SEC22C: variants seen among roughly 807,000 people sequenced by gnomAD.
SEC22C encodes the protein SEC22 homolog C, vesicle trafficking protein.
In SEC22C, 29 loss-of-function variants were observed where a neutral mutation model predicts 34.7. The ratio of observed to expected loss-of-function variants is 0.84; its 90% CI spans 0.62 to 1.14. SEC22C has a LOEUF of 1.14. SEC22C is among the 50% of genes most tolerant of loss of function. SEC22C has a pLI of 0.00. For missense variants in SEC22C, 337 were observed against 369.0 expected (o/e 0.91, Z 0.71); for synonymous variants, 117 against 132.8 (o/e 0.88, Z 0.82).
chr3:42,572,283 C>A (rs1351588486), intron 1 of SEC22C, among the ~76,000 whole-genome samples: 1 of 150,822 alleles, frequency 6.6e-6, no homozygotes, highest in Non-Finnish European at 1.5e-5. Context: ...AAAGGTAATG[C>A]ATAGCAAAAC....
chr3:42,563,257 A>T (rs1355705781), intron 3 of SEC22C, among the ~76,000 whole-genome samples: 3 of 152,232 alleles, frequency 2.0e-5, no homozygotes, highest in Admixed American at 2.0e-4. Flanking sequence ...CCAGCTTCAG[A>T]GAGCTGTGGG....
At chr3:42,572,759 T>C (rs990331890) in intron 1 of SEC22C, among the ~76,000 whole-genome samples, 1 of 152,186 alleles carries the variant, frequency 6.6e-6, no homozygotes, top group Non-Finnish European at 1.5e-5. Flanking sequence ...TCACTGGCTA[T>C]ACTAAGAACC....
chr3:42,565,087 A>G lies in SEC22C; in HGVS notation c.183-1401T>C, dbSNP rs114084988. ...GGGTCTTGTTCTGACACTCCATCCTATGTAAGCCCAAACCAAGCTCCAATT... is the reference window on the plus strand; with the variant it reads ...GGGTCTTGTTCTGACACTCCATCCTGTGTAAGCCCAAACCAAGCTCCAATT... On this transcript the variant is annotated intron_variant, in intron 2 of 6. Transcript: ENST00000264454. Among the ~76,000 whole-genome samples the G allele has an allele frequency of 3.0e-3, 456 of 152,210 alleles. 3 individuals are homozygous for G. Among genetic ancestry groups the G allele is most frequent in the African/African-American group, 0.011 (440 of 41,532 alleles).
chr3:42,591,500 A>T (rs1449999134), intron 1 of SEC22C: 2 of 1,591,178 alleles, frequency 1.3e-6, no homozygotes. Context: ...GCCTGCACTG[A>T]CCCTTTCTTT....
At chr3:42,569,851 GGCCT>G (rs1703502441) in intron 1 of SEC22C, among the ~76,000 whole-genome samples, 2 of 152,196 alleles carry the variant, frequency 1.3e-5, no homozygotes, top group Admixed American at 1.3e-4. Flanking sequence ...GGTGGAAACA[GGCCT>G]GCACCATTTC....
chr3:42,559,348 C>T (rs1027308912), intron 4 of SEC22C, among the ~76,000 whole-genome samples: 2 of 152,176 alleles, frequency 1.3e-5, no homozygotes, highest in Admixed American at 6.5e-5. Context: ...CCTAGAAAGA[C>T]GGGCAAGGTG....
chr3:42,553,541 G>A, intron 6 of SEC22C, 93 bp from the exon 7 acceptor site: 3 of 1,498,028 alleles, frequency 2.0e-6, no homozygotes, highest in Non-Finnish European at 8.9e-7. Flanking sequence ...CATGAAGAGT[G>A]TCATTTCTCT....
chr3:42,556,924 T>C lies in SEC22C; in HGVS notation c.645+654A>G, dbSNP rs538908142. On this transcript the variant is annotated intron_variant, in intron 5 of 6. Transcript: ENST00000264454. ...TTTTAGTAGAGATGGGTTTTCACCA[T>C]GTTGATCAGGCTGGTCTCAAACTCC... Among the ~76,000 whole-genome samples the C allele has an allele frequency of 3.3e-5, 5 of 152,278 alleles. No homozygotes were observed. The South Asian group carries it at 1.0e-3, about 32-fold the overall frequency.
intron 2 of SEC22C, chr3:42,566,976 T>G (rs922950853): frequency 8.1e-5 from 15 of 184,660 alleles, no homozygotes; most frequent in African/African-American, 3.1e-4. Context: ...GGCTGAGGTG[T>G]GAACATGGCT....
chr3:42,581,431 G>A (rs1349360149), intron 1 of SEC22C: 1 of 152,252 alleles, frequency 6.6e-6, no homozygotes, highest in Non-Finnish European at 1.5e-5. Flanking sequence ...TTGGTTCAGT[G>A]TATCCAATAT....
upstream of SEC22C, among the ~76,000 whole-genome samples, chr3:42,583,910 T>G (rs1247577244): frequency 6.6e-6 from 1 of 152,244 alleles, no homozygotes; most frequent in Non-Finnish European, 1.5e-5. Context: ...CTTGTACCAG[T>G]GGTTCCCCAG....
In SEC22C at chr3:42,549,179, T is replaced by C; in HGVS notation, c.*4069A>G. The C allele has an allele frequency of 1.0e-6, 1 of 987,568 alleles. No homozygotes were observed. The highest frequency in any genetic ancestry group is 1.2e-6 in the Non-Finnish European group (1 of 831,156). 61.2% of individuals were successfully genotyped at this position (987,568 alleles called of 1,614,324 possible). On this transcript the variant is annotated 3_prime_UTR_variant, in exon 7 of 7. Transcript: ENST00000264454. ...CACAGGTAGAGCGTCCCCAGACCTG[T>C]GCAATATTCTACACGAAAACATTTG...
chr3:42,571,988 G>A (rs1276613827), intron 1 of SEC22C, among the ~76,000 whole-genome samples: 1 of 152,086 alleles, frequency 6.6e-6, no homozygotes, highest in Non-Finnish European at 1.5e-5. Context: ...AGCTGAGATT[G>A]TGTCACTGCA....
At chr3:42,590,453 A>AC (rs1394648396) in intron 1 of SEC22C, among the ~76,000 whole-genome samples, 1 of 151,854 alleles carries the variant, frequency 6.6e-6, no homozygotes, top group African/African-American at 2.4e-5. Context: ...ATATGGTGAA[A>AC]CCCCGTCTCT....
intron 1 of SEC22C, among the ~76,000 whole-genome samples, chr3:42,572,266 A>C (rs1703687201): frequency 6.6e-6 from 1 of 152,050 alleles, no homozygotes; most frequent in Admixed American, 6.5e-5. Context: ...CAGTCAAAAA[A>C]ACTAGAAAAG....
chr3:42,553,767 T>C (rs1430558763), intron 6 of SEC22C, among the ~76,000 whole-genome samples: 1 of 152,196 alleles, frequency 6.6e-6, no homozygotes, highest in Non-Finnish European at 1.5e-5. Flanking sequence ...GCACATAAGC[T>C]GCAGACAGCC....
chr3:42,550,047 C>T lies in SEC22C; in HGVS notation c.*3201G>A, dbSNP rs1211988847. 1.0e-6 allele frequency: 1 copy of T among 985,304 alleles called. No homozygotes were observed. Among genetic ancestry groups the T allele is most frequent in the Admixed American group, 6.2e-5 (1 of 16,254 alleles). 61.0% of individuals were successfully genotyped at this position (985,304 alleles called of 1,614,324 possible). A position where few individuals can be genotyped will look rare whatever the true frequency, so the allele number is the denominator to read the frequency against. On this transcript the variant is annotated 3_prime_UTR_variant, in exon 7 of 7. Transcript: ENST00000264454. ...GTAAGACTAGCCTAACAGGGGAAAA[C>T]AGATTTACATGTTTCGTTCATTAGC...
chr3:42,594,389 G>A, intron 1 of SEC22C: 1 of 1,560,964 alleles, frequency 6.4e-7, no homozygotes, highest in Middle Eastern at 1.7e-4. Flanking sequence ...GTAAAAACAA[G>A]CCTCTGATTT....
At chr3:42,593,339 C>T (rs1307396328) in intron 1 of SEC22C, among the ~76,000 whole-genome samples, 1 of 152,166 alleles carries the variant, frequency 6.6e-6, no homozygotes, top group African/African-American at 2.4e-5. Flanking sequence ...ATTGCTTGAA[C>T]CCAGGAGGTG....
Sources: allele counts gnomAD v4.1 joint callset (sites outside exome capture counted in the v4.1 genomes callset), GRCh38; gene constraint gnomAD v4.1.1; transcripts MANE v1.5; gene names NCBI Gene and HGNC (gene_info 2026-07-23, HGNC 2026-07-21).